The following CLYBL variants were observed in gnomAD, a reference collection of about 807,000 sequenced individuals.
CLYBL encodes the protein citramalyl-CoA lyase, mitochondrial.
In CLYBL, 31 loss-of-function variants were observed where a neutral mutation model predicts 38.9. The ratio of observed to expected loss-of-function variants is 0.80; its 90% confidence interval spans 0.60 to 1.08. CLYBL has a LOEUF of 1.08. CLYBL is among the 50% of genes least tolerant of loss of function. The pLI, the probability that CLYBL is intolerant of heterozygous loss-of-function variation, is 0.00. For synonymous variants in CLYBL, 171 were observed against 158.6 expected (o/e 1.08, Z -0.59); for missense variants, 434 against 411.6 (o/e 1.05, Z -0.47).
At chr13:99,896,585 A>G (rs73559402), downstream of CLYBL, 368 of 151,732 alleles carry the variant, frequency 2.4e-3, 5 homozygotes, top group East Asian at 0.016. Flanking sequence ...CCGGCCTCAC[A>G]CCGCCTGGCC....
intron 1 of CLYBL, among the ~76,000 whole-genome samples, chr13:99,618,165 A>G (rs1468283428): frequency 6.6e-6 from 1 of 152,244 alleles, no homozygotes; most frequent in Non-Finnish European, 1.5e-5. Flanking sequence ...ATAAATTTGC[A>G]GAAGGAAAAA....
At chr13:99,724,062 G>A (rs1031207606) in intron 1 of CLYBL, among the ~76,000 whole-genome samples, 2 of 152,008 alleles carry the variant, frequency 1.3e-5, no homozygotes, top group African/African-American at 4.8e-5. Context: ...TTTGTTTTTT[G>A]CTGTACCTCA....
chr13:99,900,920 C>G (rs1290211619), downstream of CLYBL, among the ~76,000 whole-genome samples: 1 of 152,222 alleles, frequency 6.6e-6, no homozygotes, highest in African/African-American at 2.4e-5. Context: ...AGCTCTGCCA[C>G]CAGGCCAGTG....
chr13:99,759,179 CTGAA>C (rs1206568023), intron 1 of CLYBL, among the ~76,000 whole-genome samples: 2 of 152,170 alleles, frequency 1.3e-5, no homozygotes, highest in Non-Finnish European at 2.9e-5. Context: ...TAAGTGCTCA[CTGAA>C]TGAATGAATG....
At chr13:99,834,799 C>T (rs1440550609) in intron 2 of CLYBL, among the ~76,000 whole-genome samples, 1 of 152,186 alleles carries the variant, frequency 6.6e-6, no homozygotes, top group African/African-American at 2.4e-5. Context: ...CTCAACCCAG[C>T]CTTTATCAGA....
rs368975807 is a variant in CLYBL at position 99,793,033 on chromosome 13, A to AAAACACACAC, written c.249+20024_249+20025insAACACACACA. The stretch of plus-strand genomic sequence containing the variant: ...TCTTCTTGTGCACATGTGCATACAT[A>AAAACACACAC]ACACACACACACACACACACACACA... On this transcript the variant is annotated intron_variant, in intron 2 of 8. Transcript: ENST00000339105. Among the ~76,000 whole-genome samples the AAAACACACAC allele has an allele frequency of 5.4e-3, 788 of 146,050 alleles. 8 individuals are homozygous for AAAACACACAC. Among genetic ancestry groups the AAAACACACAC allele is most frequent in the African/African-American group, 0.019 (736 of 38,710 alleles).
intron 1 of CLYBL, among the ~76,000 whole-genome samples, chr13:99,758,411 G>A (rs1163169386): frequency 6.6e-6 from 1 of 152,160 alleles, no homozygotes; most frequent in Non-Finnish European, 1.5e-5. Flanking sequence ...CCCCTGCTTT[G>A]CATATTTTTT....
At chr13:99,679,021 G>A (rs1445322466) in intron 1 of CLYBL, among the ~76,000 whole-genome samples, 2 of 152,070 alleles carry the variant, frequency 1.3e-5, no homozygotes, top group East Asian at 1.9e-4. Context: ...TACGCCAGGC[G>A]TGGAGGCTCA....
At chr13:99,717,948 T>G (rs2048341974) in intron 1 of CLYBL, among the ~76,000 whole-genome samples, 1 of 152,198 alleles carries the variant, frequency 6.6e-6, no homozygotes, top group African/African-American at 2.4e-5. Flanking sequence ...ATTACTTATA[T>G]TTATCTGGAA....
At chr13:99,688,780 G>T (rs546322808) in intron 1 of CLYBL, among the ~76,000 whole-genome samples, 1 of 152,284 alleles carries the variant, frequency 6.6e-6, no homozygotes, top group South Asian at 2.1e-4. Flanking sequence ...CAGTGCAAAA[G>T]ATAGAGCGTC....
At chr13:99,609,169 G>GT (rs58873910) in intron 1 of CLYBL, among the ~76,000 whole-genome samples, 2,747 of 45,810 alleles carry the variant, frequency 0.06, 817 homozygotes, top group African/African-American at 0.11. Context: ...ACCTGTCTTT[G>GT]TTTTTTTTTT....
chr13:99,688,399 A>G lies in CLYBL; in HGVS notation c.62+81642A>G, dbSNP rs141808068. Among the ~76,000 whole-genome samples the G allele has an allele frequency of 6.6e-5, 10 of 152,304 alleles. 1 individual carries two copies. In the East Asian group the frequency reaches 1.9e-3, roughly 29 times the overall value. The stretch of plus-strand genomic sequence containing the variant: ...AAAATTAAAATAGTTGCAGGATATT[A>G]CAGTCTGTGATTTCATATACTTTGT... On this transcript the variant is annotated intron_variant, in intron 1 of 8. Transcript: ENST00000339105.
chr13:99,870,241 T>A (rs144470412), intron 6 of CLYBL, among the ~76,000 whole-genome samples: 141 of 152,310 alleles, frequency 9.3e-4, no homozygotes, highest in Non-Finnish European at 1.6e-3. Context: ...ATTTATTTTT[T>A]AATTTTTAAA....
chr13:99,874,705 G>T (rs938184824), intron 7 of CLYBL, among the ~76,000 whole-genome samples: 1 of 152,092 alleles, frequency 6.6e-6, no homozygotes, highest in African/African-American at 2.4e-5. Flanking sequence ...ATGATAACGT[G>T]TATTTCCTCA....
In CLYBL at chr13:99,615,269, TGTG is replaced by T. The variant is rs1157320389; in HGVS notation, c.62+8520_62+8522del. On this transcript the variant is annotated intron_variant, in intron 1 of 8. Coordinates refer to ENST00000339105, the MANE Select transcript of CLYBL (RefSeq NM_206808.5). Reference sequence around the variant, plus strand: ...TTGGTCACACAGTTTCCTAACTAAATGTGGTGGTGGCCACTAGAAGTTGCCATT... The same window carrying T: ...TTGGTCACACAGTTTCCTAACTAAATGTGGTGGCCACTAGAAGTTGCCATT... 8.5e-5 allele frequency among the ~76,000 whole-genome samples: 13 copies of T among 152,260 alleles called. No individual in the cohort carries two copies. The South Asian group carries it at 1.7e-3, about 19-fold the overall frequency.
intron 2 of CLYBL, among the ~76,000 whole-genome samples, chr13:99,780,532 C>T (rs998694026): frequency 4.6e-5 from 7 of 151,922 alleles, no homozygotes; most frequent in African/African-American, 9.7e-5. Flanking sequence ...AGGCGCCTGC[C>T]ACCACACCTG....
chr13:99,667,727 A>G (rs559313543), intron 1 of CLYBL, among the ~76,000 whole-genome samples: 1 of 152,346 alleles, frequency 6.6e-6, no homozygotes, highest in South Asian at 2.1e-4. Flanking sequence ...AGATATTTCT[A>G]GTAGTCAAAA....
intron 1 of CLYBL, among the ~76,000 whole-genome samples, chr13:99,676,186 G>GTCCGTCCTTCCGTCCT (rs1459044000): frequency 7.5e-6 from 1 of 132,994 alleles, no homozygotes; most frequent in South Asian, 2.4e-4. Flanking sequence ...CCCTCCGTCC[G>GTCCGTCCTTCCGTCCT]TCCTTCCTTC....
intron 7 of CLYBL, chr13:99,877,571 C>CTTTT (rs561372911): frequency 0.015 from 3,290 of 214,134 alleles, 69 homozygotes; most frequent in Middle Eastern, 0.02. Flanking sequence ...TTTTGTAATT[C>CTTTT]TTTTTTTTTT....
Sources: allele counts gnomAD v4.1 joint callset (sites outside exome capture counted in the v4.1 genomes callset), GRCh38; gene constraint gnomAD v4.1.1; transcripts MANE v1.5; gene names NCBI Gene and HGNC (gene_info 2026-07-23, HGNC 2026-07-21).